Variants in TACR1 observed in about 807,000 individuals in gnomAD.
The protein encoded by TACR1 is tachykinin receptor 1, also known as substance-P receptor.
A neutral mutation model predicts 35.8 loss-of-function variants in TACR1; 25 were observed. That is an observed-to-expected ratio of 0.70 (90% CI 0.51 to 0.98). The LOEUF (loss-of-function observed/expected upper bound fraction) is 0.98. Ranked by LOEUF, TACR1 falls within the 50% of genes least tolerant of loss-of-function variation. The probability of loss-of-function intolerance (pLI) is 0.00; values close to 1 mark genes in which losing one functional copy is unlikely to be tolerated. For synonymous variants in TACR1, 195 were observed against 206.7 expected (o/e 0.94, Z 0.48); for missense variants, 478 against 522.9 (o/e 0.91, Z 0.84).
rs1674787758 is a variant in TACR1 at position 75,154,505 on chromosome 2, C to CACACACACACACACACAG, written c.390-33738_390-33737insCTGTGTGTGTGTGTGTGT. On this transcript the variant is annotated intron_variant, in intron 1 of 4. Transcript: ENST00000305249. ...CTAACCCACCACACACACACACACACACACACACACACACACACACACTCT... is the reference window on the plus strand; with the variant it reads ...CTAACCCACCACACACACACACACACACACACACACACACACAGACACACACACACACACACACACTCT... 13 of 131,382 alleles carry CACACACACACACACACAG rather than the reference C, an allele frequency of 9.9e-5. 1 individual carries two copies. The highest frequency in any genetic ancestry group is 3.9e-4 in the African/African-American group (12 of 31,092). 8.1% of individuals were successfully genotyped at this position (131,382 alleles called of 1,614,324 possible).
chr2:75,140,402 G>T (rs1674378667), intron 1 of TACR1, among the ~76,000 whole-genome samples: 1 of 152,080 alleles, frequency 6.6e-6, no homozygotes, highest in African/African-American at 2.4e-5. Flanking sequence ...AATCAAATTT[G>T]CCTGCAAAGT....
Position 75,198,785 on chromosome 2 carries a change from G to A in TACR1, c.150C>T (p.Asn50=), listed in dbSNP as rs1488820823. 2 of 1,614,020 alleles carry A rather than the reference G, an allele frequency of 1.2e-6. No individual in the cohort carries two copies. Among genetic ancestry groups the A allele is most frequent in the Admixed American group, 1.7e-5 (1 of 60,000 alleles). The change falls in exon 1 of 5, where the codon AAC becomes AAT. Residue 50 remains asparagine, a synonymous_variant. Transcript: ENST00000305249. The stretch of plus-strand genomic sequence containing the variant: ...CTAAGATGATCCACATCACTACCAC[G>A]TTGCCCACCACAGAGGTCACCACAA... ...TVIVVTSVVG[N]VVVMWIILAH...
At chr2:75,062,623 A>G (rs1348264308) in intron 2 of TACR1, among the ~76,000 whole-genome samples, 1 of 152,224 alleles carries the variant, frequency 6.6e-6, no homozygotes, top group Non-Finnish European at 1.5e-5. Flanking sequence ...TAATTAACAT[A>G]TTCAAATATG....
Position 75,053,806 on chromosome 2 carries a change from G to A in TACR1, c.585-51C>T, listed in dbSNP as rs1030268328. ...CAGTATGATATACTTATTATTTTAG[G>A]TTTTTAATTTTTGTTATTGTTATTG... On this transcript the variant is annotated intron_variant, in intron 2 of 4. Transcript: ENST00000305249. 3.7e-6 allele frequency: 6 copies of A among 1,609,958 alleles called. No individual in the cohort carries two copies. In the African/African-American group the frequency reaches 6.7e-5, roughly 18 times the overall value.
chr2:75,197,077 A>G (rs1676012329), intron 1 of TACR1, among the ~76,000 whole-genome samples: 1 of 152,252 alleles, frequency 6.6e-6, no homozygotes, highest in Non-Finnish European at 1.5e-5. Context: ...TACAAAAGAT[A>G]AATTTGCAAA....
chr2:75,104,879 GAGATA>G (rs1433365466), intron 2 of TACR1, among the ~76,000 whole-genome samples: 1 of 152,056 alleles, frequency 6.6e-6, no homozygotes, highest in African/African-American at 2.4e-5. Flanking sequence ...AAAAAGACAA[GAGATA>G]ACAAGTGTTG....
chr2:75,069,338 ATATT>A (rs1265507225), intron 2 of TACR1, among the ~76,000 whole-genome samples: 19 of 151,354 alleles, frequency 1.3e-4, no homozygotes, highest in East Asian at 5.8e-4. Flanking sequence ...ATATATGTAT[ATATT>A]TATTTATTAA....
At chr2:75,143,430 C>T (rs1674448184) in intron 1 of TACR1, among the ~76,000 whole-genome samples, 1 of 152,168 alleles carries the variant, frequency 6.6e-6, no homozygotes, top group Non-Finnish European at 1.5e-5. Context: ...AAGAAAACAT[C>T]AGGGAAGGAT....
In TACR1 at chr2:75,051,180, T is replaced by G. The variant is rs3755455; in HGVS notation, c.932+71A>C. The G allele has an allele frequency of 6.3e-4, 1,010 of 1,601,748 alleles. 10 individuals are homozygous for G. In the East Asian group the frequency reaches 0.02, roughly 31 times the overall value. On this transcript the variant is annotated intron_variant, in intron 4 of 4. Transcript: ENST00000305249. Reference sequence around the variant, plus strand: ...CACAGCTGGGTTTACTCATTTAGGATGGCCGCTTGGCCACTGTGTATGTAG... The same window carrying G: ...CACAGCTGGGTTTACTCATTTAGGAGGGCCGCTTGGCCACTGTGTATGTAG...
At chr2:75,050,015 A>G (rs549557124) in intron 4 of TACR1, among the ~76,000 whole-genome samples, 1 of 152,350 alleles carries the variant, frequency 6.6e-6, no homozygotes, top group South Asian at 2.1e-4. Context: ...TGGGGTCAGC[A>G]GACTTTGAGT....
intron 2 of TACR1, among the ~76,000 whole-genome samples, chr2:75,113,136 C>T (rs1359851720): frequency 6.6e-6 from 1 of 152,158 alleles, no homozygotes; most frequent in Admixed American, 6.5e-5. Flanking sequence ...AATTTTTGAA[C>T]AGTAGTTTCA....
intron 2 of TACR1, among the ~76,000 whole-genome samples, chr2:75,093,840 A>C (rs1673356932): frequency 6.6e-6 from 1 of 152,098 alleles, no homozygotes; most frequent in African/African-American, 2.4e-5. Flanking sequence ...CTGTGGGGTA[A>C]CAAGACAAAG....
At chr2:75,163,282 A>AT (rs1166655504) in intron 1 of TACR1, among the ~76,000 whole-genome samples, 10 of 152,094 alleles carry the variant, frequency 6.6e-5, no homozygotes, top group Non-Finnish European at 4.4e-5. Flanking sequence ...ACTTTTATCA[A>AT]TTTTTTTACC....
At chr2:75,160,611 C>T (rs1674983690) in intron 1 of TACR1, among the ~76,000 whole-genome samples, 1 of 151,308 alleles carries the variant, frequency 6.6e-6, no homozygotes. Flanking sequence ...AGCATCAGAA[C>T]AGGTAAATTG....
intron 1 of TACR1, among the ~76,000 whole-genome samples, chr2:75,129,332 T>C (rs1674136626): frequency 6.6e-6 from 1 of 152,254 alleles, no homozygotes; most frequent in Non-Finnish European, 1.5e-5. Context: ...AATCTTAGAA[T>C]TGTATTTTCA....
Position 75,049,264 on chromosome 2 carries a change from T to C in TACR1, c.*168A>G. 1.4e-6 allele frequency: 1 copy of C among 718,326 alleles called. No individual in the cohort carries two copies. The highest frequency in any genetic ancestry group is 2.2e-6 in the Non-Finnish European group (1 of 447,986). 44.5% of individuals were successfully genotyped at this position (718,326 alleles called of 1,614,324 possible). A position where few individuals can be genotyped will look rare whatever the true frequency, so the allele number is the denominator to read the frequency against. ...GAGGGTGGCAAAGATAGGGAAGAAT[T>C]GAGATTTTTTGACTCAAGGATGGAA... On this transcript the variant is annotated 3_prime_UTR_variant, in exon 5 of 5. Transcript: ENST00000305249.
chr2:75,130,026 G>T lies in TACR1; in HGVS notation c.390-9258C>A, dbSNP rs530628472. ...GTGAGGTGAGTGAGGCACTCACAGTGCAAGTGAAGAATTAAATCCCGTCTT... is the reference window on the plus strand; with the variant it reads ...GTGAGGTGAGTGAGGCACTCACAGTTCAAGTGAAGAATTAAATCCCGTCTT... On this transcript the variant is annotated intron_variant, in intron 1 of 4. Coordinates refer to ENST00000305249, the MANE Select transcript of TACR1 (RefSeq NM_001058.4). Among the ~76,000 whole-genome samples, 68 of 152,348 alleles carry T rather than the reference G, an allele frequency of 4.5e-4. No homozygotes were observed. In the South Asian group the frequency reaches 7.7e-3, roughly 17 times the overall value.
chr2:75,131,214 G>A (rs1316279677), intron 1 of TACR1, among the ~76,000 whole-genome samples: 4 of 151,518 alleles, frequency 2.6e-5, no homozygotes, highest in Non-Finnish European at 5.9e-5. Context: ...TCAGCCTCTC[G>A]AGTAGCTGGG....
intron 1 of TACR1, among the ~76,000 whole-genome samples, chr2:75,135,152 C>G (rs1005212473): frequency 1.3e-5 from 2 of 152,140 alleles, no homozygotes; most frequent in Non-Finnish European, 2.9e-5. Context: ...TGAATTATGA[C>G]TTTCCTCTTC....
Sources: allele counts gnomAD v4.1 joint callset (sites outside exome capture counted in the v4.1 genomes callset), GRCh38; gene constraint gnomAD v4.1.1; transcripts MANE v1.5; gene names NCBI Gene and HGNC (gene_info 2026-07-23, HGNC 2026-07-21).